Variants in BRD10 observed in about 807,000 individuals in gnomAD.
BRD10 encodes bromodomain containing 10, also known as uncharacterized bromodomain-containing protein 10.
the BRD10 span, among the ~76,000 whole-genome samples, chr9:5,981,563 A>G: frequency 6.6e-6 from 1 of 152,184 alleles, no homozygotes; most frequent in East Asian, 1.9e-4. Context: ...CTATCTATCT[A>G]TCTATCCATC....
At chr9:5,932,476 G>A in the BRD10 span, among the ~76,000 whole-genome samples, 1 of 152,070 alleles carries the variant, frequency 6.6e-6, no homozygotes, top group Non-Finnish European at 1.5e-5. Flanking sequence ...TTTCTTTCTT[G>A]TCATTATTCC....
At chr9:5,890,956 G>T in the BRD10 span, 2 of 152,208 alleles carry the variant, frequency 1.3e-5, no homozygotes, top group East Asian at 3.9e-4. Flanking sequence ...TTGCCTTCTC[G>T]CCATAATCAT....
the BRD10 span, among the ~76,000 whole-genome samples, chr9:5,978,675 G>C: frequency 5.9e-5 from 9 of 152,252 alleles, no homozygotes; most frequent in East Asian, 1.7e-3. Context: ...GCCAAACTTA[G>C]ATGACAAAAA....
the BRD10 span, among the ~76,000 whole-genome samples, chr9:5,930,331 C>T: frequency 2.8e-5 from 4 of 144,230 alleles, no homozygotes; most frequent in East Asian, 2.0e-4. Context: ...AAAACTATTA[C>T]AAACATGTGC....
the BRD10 span, chr9:5,920,752 T>C: frequency 6.2e-7 from 1 of 1,613,926 alleles, no homozygotes. Context: ...CAGGTGTAGG[T>C]AAGGCAACCG....
At chr9:5,938,588 C>A in the BRD10 span, among the ~76,000 whole-genome samples, 8 of 152,152 alleles carry the variant, frequency 5.3e-5, no homozygotes, top group African/African-American at 1.7e-4. Flanking sequence ...TGGTACTATA[C>A]ACAGCACATA....
chr9:5,991,389 C>G, the BRD10 span, among the ~76,000 whole-genome samples: 5 of 152,028 alleles, frequency 3.3e-5, no homozygotes, highest in African/African-American at 1.2e-4. Context: ...TCTGATATTC[C>G]TAGAGTCTAC....
chr9:5,988,402 G>T, the BRD10 span: 1 of 1,613,668 alleles, frequency 6.2e-7, no homozygotes, highest in Non-Finnish European at 8.5e-7. Context: ...AACCATTATA[G>T]ATTCAAAAAC....
chr9:5,908,541 C>A, the BRD10 span: 2 of 1,067,678 alleles, frequency 1.9e-6, no homozygotes, highest in Non-Finnish European at 2.8e-6. Context: ...TTTCAGTCCA[C>A]AGGGAAAGTA....
chr9:5,923,747 A>T, the BRD10 span, among the ~76,000 whole-genome samples: 3 of 152,350 alleles, frequency 2.0e-5, no homozygotes, highest in Non-Finnish European at 4.4e-5. Flanking sequence ...GAGACTCTAA[A>T]GGACAAAAAA....
the BRD10 span, chr9:5,920,820 T>G: frequency 1.2e-6 from 2 of 1,613,852 alleles, no homozygotes; most frequent in Non-Finnish European, 1.7e-6. Flanking sequence ...GGTTGTGTAG[T>G]TGAAATCAGA....
the BRD10 span, among the ~76,000 whole-genome samples, chr9:5,970,265 A>G: frequency 3.3e-5 from 5 of 152,204 alleles, no homozygotes; most frequent in African/African-American, 2.4e-5. Flanking sequence ...GTGCAGCCTT[A>G]AAAATTAAAA....
the BRD10 span, among the ~76,000 whole-genome samples, chr9:5,896,327 G>A: frequency 1.3e-5 from 2 of 152,328 alleles, no homozygotes; most frequent in African/African-American, 4.8e-5. Context: ...TATGGTTATG[G>A]TAATGTTGAT....
the BRD10 span, among the ~76,000 whole-genome samples, chr9:6,002,285 T>C: frequency 6.6e-6 from 1 of 152,224 alleles, no homozygotes; most frequent in Admixed American, 6.5e-5. Context: ...TAAAACATTT[T>C]CTGAACCTTC....
chr9:6,007,455 C>A, the BRD10 span: 4 of 1,608,520 alleles, frequency 2.5e-6, no homozygotes, highest in Non-Finnish European at 2.5e-6. Context: ...CCTCCTCCTC[C>A]GCGGTGGCAA....
At chr9:5,988,008 T>C in the BRD10 span, among the ~76,000 whole-genome samples, 1 of 152,108 alleles carries the variant, frequency 6.6e-6, no homozygotes, top group Non-Finnish European at 1.5e-5. Context: ...CTCTGGAGAT[T>C]CTCCTGATTT....
chr9:5,915,192 TTC>T, the BRD10 span, among the ~76,000 whole-genome samples: 5 of 152,116 alleles, frequency 3.3e-5, no homozygotes, highest in Admixed American at 6.5e-5. Context: ...TCTCAACAGT[TTC>T]TGTCTCATCT....
the BRD10 span, chr9:5,921,131 C>A: frequency 6.2e-7 from 1 of 1,613,866 alleles, no homozygotes; most frequent in African/African-American, 1.3e-5. Flanking sequence ...AACTGAATTA[C>A]CACTTGTTGA....
chr9:5,928,162 C>G, the BRD10 span, among the ~76,000 whole-genome samples: 1 of 152,114 alleles, frequency 6.6e-6, no homozygotes, highest in East Asian at 1.9e-4. Flanking sequence ...CTCACTTTCT[C>G]TCATACTCCA....
Sources: gnomAD v4.1 joint callset for allele counts (sites outside exome capture counted in the v4.1 genomes callset) on GRCh38, gnomAD v4.1.1 for gene constraint, MANE v1.5 for transcripts, NCBI Gene and HGNC (gene_info 2026-07-23, HGNC 2026-07-21) for gene names.